AIG1: variants seen among roughly 807,000 people sequenced by gnomAD.
AIG1 encodes the protein androgen-induced gene 1 protein.
A neutral mutation model predicts 31.4 loss-of-function variants in AIG1; 23 were observed. The observed-to-expected ratio is 0.73, with a 90% CI of 0.53 to 1.04. The LOEUF (loss-of-function observed/expected upper bound fraction) is 1.04. Ranked by LOEUF, AIG1 falls within the 50% of genes least tolerant of loss-of-function variation. The probability of loss-of-function intolerance (pLI) is 0.00; values close to 1 mark genes in which losing one functional copy is unlikely to be tolerated. For synonymous variants in AIG1, 100 were observed against 110.5 expected (o/e 0.90, Z 0.60); for missense variants, 274 against 295.0 (o/e 0.93, Z 0.52).
Position 143,284,350 on chromosome 6 carries a change from C to T in AIG1, c.515+125C>T. ...GCTGTGTGCCGCATTTGGTCCAAGA[C>T]CTGGGCTTTGTCTCGTTTCCCCAGA... is the stretch of plus-strand genomic sequence containing the variant. On this transcript the variant is annotated intron_variant, in intron 4 of 5. Coordinates refer to ENST00000357847, the MANE Select transcript of AIG1 (RefSeq NM_016108.4). The surrounding 1 kb of genome is among the most constrained non-coding windows in gnomAD (Gnocchi z 4.4). 4.6e-6 allele frequency: 3 copies of T among 649,224 alleles called. No individual in the cohort carries two copies. Among genetic ancestry groups the T allele is most frequent in the East Asian group, 2.9e-5 (1 of 34,722 alleles). 40.2% of individuals were successfully genotyped at this position (649,224 alleles called of 1,614,324 possible).
chr6:143,089,304 T>C (rs1354476751), intron 1 of AIG1, among the ~76,000 whole-genome samples: 1 of 152,064 alleles, frequency 6.6e-6, no homozygotes, highest in Non-Finnish European at 1.5e-5. Context: ...ATACCTATGA[T>C]ATGAGGAATA....
In AIG1 at chr6:143,126,427, T is replaced by A. The variant is rs146933540; in HGVS notation, c.142-10408T>A. ...TGTGGGATTCACTCATCTGGTTTCATACTGAGTCACTGTCTCACGGGGATG... is the reference window on the plus strand; with the variant it reads ...TGTGGGATTCACTCATCTGGTTTCAAACTGAGTCACTGTCTCACGGGGATG... On this transcript the variant is annotated intron_variant, in intron 1 of 5. Transcript: ENST00000357847. 147 of 152,326 alleles carry A rather than the reference T, an allele frequency of 9.7e-4. 1 individual carries two copies. Among genetic ancestry groups the A allele is most frequent in the African/African-American group, 3.2e-3 (134 of 41,586 alleles). 9.4% of individuals were successfully genotyped at this position (152,326 alleles called of 1,614,324 possible). A position where few individuals can be genotyped will look rare whatever the true frequency, so the allele number is the denominator to read the frequency against.
At chr6:143,313,661 AG>A (rs957186171) in intron 4 of AIG1, among the ~76,000 whole-genome samples, 4 of 152,090 alleles carry the variant, frequency 2.6e-5, no homozygotes, top group African/African-American at 9.7e-5. Context: ...GGGTAACTAT[AG>A]TCAATAACAT....
chr6:143,081,285 G>C (rs1434097353), intron 1 of AIG1, among the ~76,000 whole-genome samples: 2 of 152,050 alleles, frequency 1.3e-5, no homozygotes, highest in South Asian at 4.2e-4. Flanking sequence ...TATACCTAAC[G>C]CCTGGGATAC....
chr6:143,102,604 A>G (rs1463684139), intron 1 of AIG1, among the ~76,000 whole-genome samples: 1 of 148,910 alleles, frequency 6.7e-6, no homozygotes. Flanking sequence ...GTCATAGAAC[A>G]TATCCCAGGG....
At chr6:143,156,578 G>C (rs942191256) in intron 2 of AIG1, among the ~76,000 whole-genome samples, 1 of 152,178 alleles carries the variant, frequency 6.6e-6, no homozygotes, top group African/African-American at 2.4e-5. Context: ...ATATCTGTCT[G>C]TTGCACTTCT....
chr6:143,156,969 G>A (rs959260095), intron 2 of AIG1, among the ~76,000 whole-genome samples: 1 of 152,186 alleles, frequency 6.6e-6, no homozygotes, highest in Non-Finnish European at 1.5e-5. Flanking sequence ...GCCAATGGAT[G>A]CCCTGACTCT....
chr6:143,334,065 C>G lies in AIG1; in HGVS notation c.679+620C>G. On this transcript the variant is annotated intron_variant, in intron 5 of 5. Coordinates refer to ENST00000357847, the MANE Select transcript of AIG1 (RefSeq NM_016108.4). This position sits in a 1 kb window ranked among gnomAD's most constrained non-coding sequence, Gnocchi z 5.1. ...CTGTGATTTGATTTCTCTTTTGTTT[C>G]CATTTATGGCAGAGCCTCCATCTTG... 4 of 1,550,308 alleles carry G rather than the reference C, an allele frequency of 2.6e-6. No individual in the cohort carries two copies. The highest frequency in any genetic ancestry group is 3.5e-6 in the Non-Finnish European group (4 of 1,146,848).
Position 143,328,427 on chromosome 6 carries a change from G to T in AIG1, c.516-4855G>T, listed in dbSNP as rs990425416. On this transcript the variant is annotated intron_variant, in intron 4 of 5. Transcript: ENST00000357847. The surrounding 1 kb of genome is among the most constrained non-coding windows in gnomAD (Gnocchi z 4.0). ...AAGAAAGTTAAATACACAAGAGAAAGAAAGACTAAAGGCAAGTGGGAGGTT... is the reference window on the plus strand; with the variant it reads ...AAGAAAGTTAAATACACAAGAGAAATAAAGACTAAAGGCAAGTGGGAGGTT... Among the ~76,000 whole-genome samples the T allele has an allele frequency of 1.3e-5, 2 of 152,154 alleles. No homozygotes were observed. Among genetic ancestry groups the T allele is most frequent in the Non-Finnish European group, 2.9e-5 (2 of 68,006 alleles).
intron 3 of AIG1, among the ~76,000 whole-genome samples, chr6:143,169,967 G>A (rs1787333514): frequency 1.3e-5 from 2 of 152,014 alleles, no homozygotes. Context: ...ACTTTTGGAT[G>A]TGCTGTTGGA....
intron 2 of AIG1, among the ~76,000 whole-genome samples, chr6:143,154,582 C>T (rs562402402): frequency 6.6e-6 from 1 of 152,264 alleles, no homozygotes; most frequent in South Asian, 2.1e-4. Context: ...TTCTGTATCT[C>T]GAGCAGGCAG....
rs1234304240 is a variant in AIG1, at chr6:143,178,583, G to A, written c.399+13400G>A. Reference sequence around the variant, plus strand: ...TTGAGGTCTCTCTGGGCTCTGAGCCGATCCTAGCCAGATGCTTTGCTTCCG... The same window carrying A: ...TTGAGGTCTCTCTGGGCTCTGAGCCAATCCTAGCCAGATGCTTTGCTTCCG... On this transcript the variant is annotated intron_variant, in intron 3 of 5. Coordinates refer to ENST00000357847, the MANE Select transcript of AIG1 (RefSeq NM_016108.4). 3.3e-5 allele frequency among the ~76,000 whole-genome samples: 5 copies of A among 152,286 alleles called. No individual in the cohort carries two copies. The South Asian group carries it at 8.3e-4, about 25-fold the overall frequency.
At chr6:143,171,463 TA>T (rs1290271670) in intron 3 of AIG1, among the ~76,000 whole-genome samples, 658 of 49,572 alleles carry the variant, frequency 0.013, 10 homozygotes, top group African/African-American at 0.095. Context: ...TTAATATATA[TA>T]TTTAATATAT....
chr6:143,235,875 A>G (rs1793767254), intron 3 of AIG1, among the ~76,000 whole-genome samples: 1 of 152,214 alleles, frequency 6.6e-6, no homozygotes, highest in East Asian at 1.9e-4. Context: ...TGTTTTTTCC[A>G]ATTCTTCTCT....
At chr6:143,263,601 T>C (rs9373383) in intron 3 of AIG1, among the ~76,000 whole-genome samples, 1,566 of 152,350 alleles carry the variant, frequency 0.01, 44 homozygotes, top group East Asian at 0.065. Context: ...CACTCATGGT[T>C]CTTCAGACAA....
At chr6:143,309,873 T>G (rs77859223) in intron 4 of AIG1, among the ~76,000 whole-genome samples, 10,190 of 152,028 alleles carry the variant, frequency 0.067, 423 homozygotes, top group African/African-American at 0.11. Context: ...CAAAGCATAC[T>G]TTGAACAAGG....
chr6:143,177,532 C>T lies in AIG1; in HGVS notation c.399+12349C>T, dbSNP rs79953614. Among the ~76,000 whole-genome samples, 657 of 152,296 alleles carry T rather than the reference C, an allele frequency of 4.3e-3. 8 individuals are homozygous for T. Among genetic ancestry groups the T allele is most frequent in the African/African-American group, 0.015 (613 of 41,568 alleles). ...CTTTGGCTTTGGTTCAGTATGGGGG[C>T]AGTAATGTAGTCTCTGATTTCTTCA... On this transcript the variant is annotated intron_variant, in intron 3 of 5. Transcript: ENST00000357847.
chr6:143,100,548 GCTTA>G (rs904705668), intron 1 of AIG1, among the ~76,000 whole-genome samples: 3 of 152,142 alleles, frequency 2.0e-5, no homozygotes, highest in African/African-American at 7.2e-5. Flanking sequence ...GTTAGTTAGA[GCTTA>G]CTAAGTTTAA....
Position 143,338,259 on chromosome 6 carries a change from A to G in AIG1, c.680-1380A>G, listed in dbSNP as rs1416090233. ...TTCTTCTTTCCGTGGTTACCCAACA[A>G]CGAAGGCGTGTTGTACCTTCTTGCC... is the stretch of plus-strand genomic sequence containing the variant. On this transcript the variant is annotated intron_variant, in intron 5 of 5. Coordinates refer to ENST00000357847, the MANE Select transcript of AIG1 (RefSeq NM_016108.4). The surrounding 1 kb of genome is among the most constrained non-coding windows in gnomAD (Gnocchi z 4.3). 3.0e-5 allele frequency: 11 copies of G among 372,694 alleles called. No homozygotes were observed. The highest frequency in any genetic ancestry group is 4.8e-5 in the Non-Finnish European group (10 of 210,338). 23.1% of individuals were successfully genotyped at this position (372,694 alleles called of 1,614,324 possible).
Sources: gnomAD v4.1 joint callset for allele counts (sites outside exome capture counted in the v4.1 genomes callset) on GRCh38, gnomAD v4.1.1 for gene constraint, Gnocchi (gnomAD v3.1) non-coding constraint, MANE v1.5 for transcripts, NCBI Gene and HGNC (gene_info 2026-07-23, HGNC 2026-07-21) for gene names.